Variants in AP1S3 observed in about 807,000 individuals in gnomAD.
AP1S3 encodes the protein AP-1 complex subunit sigma-3.
AP1S3 carries 10 observed loss-of-function variants against 20.9 expected under a neutral mutation model. That is an observed-to-expected ratio of 0.48 (90% CI 0.29 to 0.81). The LOEUF is 0.81. Among genes scored for constraint, AP1S3 ranks in the 30% least tolerant of loss-of-function variants. AP1S3 has a pLI of 0.08. For missense variants in AP1S3, 154 were observed against 183.8 expected (o/e 0.84, Z 0.94); for synonymous variants, 41 against 61.5 (o/e 0.67, Z 1.56).
At chr2:223,807,867 C>CTTTTTTT (rs138805104) in intron 1 of AP1S3, among the ~76,000 whole-genome samples, 457 of 43,232 alleles carry the variant, frequency 0.011, 88 homozygotes, top group East Asian at 0.051. Context: ...CATTTCTTTT[C>CTTTTTTT]TTTTTTTTTT....
At chr2:223,759,366 C>T (rs1323710647) in intron 4 of AP1S3, among the ~76,000 whole-genome samples, 1 of 151,888 alleles carries the variant, frequency 6.6e-6, no homozygotes, top group East Asian at 1.9e-4. Context: ...AAGATAAACA[C>T]GTTTGCTAAA....
intron 1 of AP1S3, among the ~76,000 whole-genome samples, chr2:223,814,266 C>T (rs1267878057): frequency 1.3e-5 from 2 of 152,112 alleles, no homozygotes; most frequent in South Asian, 2.1e-4. Flanking sequence ...TCAGTGGATA[C>T]GGCTGGCATC....
At chr2:223,783,560 G>A (rs776428174) in intron 1 of AP1S3, among the ~76,000 whole-genome samples, 2 of 152,192 alleles carry the variant, frequency 1.3e-5, no homozygotes, top group Non-Finnish European at 2.9e-5. Context: ...GTCCTCCGAG[G>A]GAAGCACGAA....
chr2:223,775,603 A>G (rs977153902), intron 3 of AP1S3, among the ~76,000 whole-genome samples: 31 of 152,292 alleles, frequency 2.0e-4, no homozygotes, highest in Middle Eastern at 6.8e-3. Context: ...CTCTTTGGGA[A>G]GCTGAGGTGG....
Position 223,757,097 on chromosome 2 carries a change from C to T in AP1S3, c.*1618G>A. 4 of 668,502 alleles carry T rather than the reference C, an allele frequency of 6.0e-6. No individual in the cohort carries two copies. Among genetic ancestry groups the T allele is most frequent in the Non-Finnish European group, 7.4e-6 (4 of 540,716 alleles). The allele number at this position is 668,502 out of a possible 1,614,324, so 41.4% of individuals were successfully genotyped here. A position where few individuals can be genotyped will look rare whatever the true frequency, so the allele number is the denominator to read the frequency against. The stretch of plus-strand genomic sequence containing the variant: ...CTCTGCCTCCTGGGTTCAAGCCATT[C>T]CCCTGCCTCAGCCCCCTGAGTAGCT... On this transcript the variant is annotated 3_prime_UTR_variant, in exon 5 of 5. Coordinates refer to ENST00000396654, the MANE Select transcript of AP1S3 (RefSeq NM_001039569.2).
intron 1 of AP1S3, among the ~76,000 whole-genome samples, chr2:223,813,814 C>G (rs771400437): frequency 4.6e-5 from 7 of 152,112 alleles, no homozygotes; most frequent in Non-Finnish European, 8.8e-5. Context: ...ACAAAGGGTC[C>G]CATGCTTAGA....
intron 1 of AP1S3, among the ~76,000 whole-genome samples, chr2:223,784,493 T>C (rs1046548997): frequency 6.6e-6 from 1 of 152,140 alleles, no homozygotes; most frequent in Non-Finnish European, 1.5e-5. Context: ...CCTACCTCTT[T>C]GAGAGCACGG....
chr2:223,774,671 T>A (rs1690721294), intron 3 of AP1S3, among the ~76,000 whole-genome samples: 1 of 152,054 alleles, frequency 6.6e-6, no homozygotes, highest in Non-Finnish European at 1.5e-5. Flanking sequence ...GAACCTATAT[T>A]AGTGAGAGTG....
intron 1 of AP1S3, among the ~76,000 whole-genome samples, chr2:223,800,019 A>T (rs970032541): frequency 6.6e-6 from 1 of 152,014 alleles, no homozygotes; most frequent in African/African-American, 2.4e-5. Context: ...GTTCGAGACC[A>T]GCCTGATCAA....
chr2:223,758,759 G>T lies in AP1S3; in HGVS notation c.430-9C>A. On this transcript the variant is annotated splice_polypyrimidine_tract_variant and intron_variant, in intron 4 of 4. Coordinates refer to ENST00000396654, the MANE Select transcript of AP1S3 (RefSeq NM_001039569.2). ...ATGTATTCTTCCATTGTCTGAAAGCGAACAATAAATTAGAACAATTTTCCC... is the reference window on the plus strand; with the variant it reads ...ATGTATTCTTCCATTGTCTGAAAGCTAACAATAAATTAGAACAATTTTCCC... The T allele has an allele frequency of 6.2e-7, 1 of 1,606,334 alleles. No individual in the cohort carries two copies. Among genetic ancestry groups the T allele is most frequent in the Non-Finnish European group, 8.5e-7 (1 of 1,176,522 alleles).
At chr2:223,810,077 C>T (rs1259109662) in intron 1 of AP1S3, among the ~76,000 whole-genome samples, 1 of 152,080 alleles carries the variant, frequency 6.6e-6, no homozygotes, top group Non-Finnish European at 1.5e-5. Flanking sequence ...ATATGAGCTC[C>T]ATGGGGCAAT....
At chr2:223,775,534 C>T (rs933574344) in intron 3 of AP1S3, among the ~76,000 whole-genome samples, 5 of 152,124 alleles carry the variant, frequency 3.3e-5, no homozygotes, top group Non-Finnish European at 5.9e-5. Flanking sequence ...GATAAAGATA[C>T]ATCCACCTCT....
chr2:223,803,310 C>A (rs1325918456), intron 1 of AP1S3, among the ~76,000 whole-genome samples: 1 of 152,122 alleles, frequency 6.6e-6, no homozygotes. Flanking sequence ...AACTTATATG[C>A]AAGATGAGTC....
Position 223,831,287 on chromosome 2 carries a change from C to T in AP1S3, c.3+6161G>A, listed in dbSNP as rs114767397. On this transcript the variant is annotated intron_variant, in intron 1 of 4. Coordinates refer to ENST00000396654, the MANE Select transcript of AP1S3 (RefSeq NM_001039569.2). The stretch of plus-strand genomic sequence containing the variant: ...CTGGGACTACATGGGTGCACTACCA[C>T]GCCCAGCTAATACTTTCTGTATTTT... Among the ~76,000 whole-genome samples the T allele has an allele frequency of 6.4e-3, 980 of 152,270 alleles. 11 individuals carry two copies. Among genetic ancestry groups the T allele is most frequent in the African/African-American group, 0.022 (921 of 41,552 alleles).
chr2:223,837,310 A>G (rs2106048842), intron 1 of AP1S3, 138 bp downstream of exon 1: 1 of 352,848 alleles, frequency 2.8e-6, no homozygotes, highest in African/African-American at 2.2e-5. Flanking sequence ...GGCCACAGGG[A>G]CGCACGGTTC....
intron 1 of AP1S3, among the ~76,000 whole-genome samples, chr2:223,821,801 T>C (rs1691992756): frequency 6.6e-6 from 1 of 152,232 alleles, no homozygotes; most frequent in African/African-American, 2.4e-5. Flanking sequence ...GCCTTGCTTT[T>C]GATTCTGACA....
intron 2 of AP1S3, among the ~76,000 whole-genome samples, chr2:223,777,073 G>A (rs1025488769): frequency 6.6e-6 from 1 of 152,202 alleles, no homozygotes; most frequent in African/African-American, 2.4e-5. Context: ...CATCTGTCTT[G>A]TTCAATGATG....
intron 1 of AP1S3, among the ~76,000 whole-genome samples, chr2:223,794,306 T>G (rs1691284345): frequency 6.6e-6 from 1 of 152,034 alleles, no homozygotes; most frequent in Non-Finnish European, 1.5e-5. Context: ...ACTAACACTA[T>G]TGCGCCACTG....
At chr2:223,770,726 C>CTTTTTTTTTTTTTTTTTTTTTT (rs1194728092) in intron 3 of AP1S3, among the ~76,000 whole-genome samples, 1 of 76,630 alleles carries the variant, frequency 1.3e-5, no homozygotes, top group Non-Finnish European at 2.1e-5. Context: ...TAGACCAGTT[C>CTTTTTTTTTTTTTTTTTTTTTT]ATTTTTTTTT....
Sources: gnomAD v4.1 joint callset for allele counts (sites outside exome capture counted in the v4.1 genomes callset) on GRCh38, gnomAD v4.1.1 for gene constraint, MANE v1.5 for transcripts, NCBI Gene and HGNC (gene_info 2026-07-23, HGNC 2026-07-21) for gene names.